Variants in NXPE2 observed in about 807,000 individuals in gnomAD.
NXPE2 encodes the protein NXPE family member 2.
Under a neutral mutation model 34.4 loss-of-function variants are expected in NXPE2, and 34 were observed. The ratio of observed to expected loss-of-function variants is 0.99; its 90% CI spans 0.75 to 1.31. The LOEUF is 1.31. NXPE2 is among the 40% of genes most tolerant of loss of function. NXPE2 has a pLI of 0.00. For synonymous variants in NXPE2, 235 were observed against 231.3 expected, an observed-to-expected ratio of 1.02 and a Z score of -0.15; for missense variants, 649 against 672.5, an observed-to-expected ratio of 0.97 and a Z score of 0.39.
At chr11:114,510,124 T>G in the NXPE2 span, among the ~76,000 whole-genome samples, 2 of 152,228 alleles carry the variant, frequency 1.3e-5, no homozygotes, top group South Asian at 4.1e-4. Flanking sequence ...TGGAAAATTA[T>G]TATAAATCTA....
At chr11:114,513,668 G>C in the NXPE2 span, among the ~76,000 whole-genome samples, 1 of 152,094 alleles carries the variant, frequency 6.6e-6, no homozygotes, top group Admixed American at 6.6e-5. Context: ...TTATTCCATA[G>C]GATGTTAAAA....
chr11:114,674,630 A>T (rs1273425336), upstream of NXPE2, among the ~76,000 whole-genome samples: 1 of 151,842 alleles, frequency 6.6e-6, no homozygotes. Context: ...AACGACACAA[A>T]GTAACTACAA....
the NXPE2 span, among the ~76,000 whole-genome samples, chr11:114,802,429 C>A: frequency 1.3e-5 from 2 of 152,320 alleles, no homozygotes; most frequent in South Asian, 4.1e-4. Flanking sequence ...TACAGAAGAT[C>A]ACTGATTTGT....
At chr11:114,555,316 C>T in the NXPE2 span, among the ~76,000 whole-genome samples, 2,099 of 152,132 alleles carry the variant, frequency 0.014, 51 homozygotes, top group African/African-American at 0.048. Flanking sequence ...CTCCACCTCC[C>T]GGGTTCAAGT....
chr11:114,802,630 AT>A, the NXPE2 span, among the ~76,000 whole-genome samples: 32 of 152,200 alleles, frequency 2.1e-4, 1 homozygote, highest in African/African-American at 7.7e-4. Context: ...TTTTTTAATA[AT>A]TATTTTTTTC....
At chr11:114,735,395 C>T in the NXPE2 span, among the ~76,000 whole-genome samples, 1 of 152,012 alleles carries the variant, frequency 6.6e-6, no homozygotes, top group African/African-American at 2.4e-5. Context: ...TTTTCTCCCT[C>T]TCAAATAAAC....
chr11:114,737,922 A>G, the NXPE2 span, among the ~76,000 whole-genome samples: 4 of 150,900 alleles, frequency 2.7e-5, no homozygotes, highest in African/African-American at 9.9e-5. Flanking sequence ...GTCTCTACTA[A>G]AAAATAAAAA....
chr11:114,809,283 C>G, the NXPE2 span, among the ~76,000 whole-genome samples: 23 of 151,892 alleles, frequency 1.5e-4, no homozygotes, highest in Non-Finnish European at 2.2e-4. Flanking sequence ...AAAACTGGCA[C>G]AAGACAGGGA....
At chr11:114,675,798 C>T (rs965800159), upstream of NXPE2, among the ~76,000 whole-genome samples, 1 of 151,896 alleles carries the variant, frequency 6.6e-6, no homozygotes, top group African/African-American at 2.4e-5. Flanking sequence ...CCAAACCAAT[C>T]TTGACCAATA....
At chr11:114,750,923 G>A in the NXPE2 span, among the ~76,000 whole-genome samples, 2 of 151,960 alleles carry the variant, frequency 1.3e-5, no homozygotes, top group East Asian at 3.9e-4. Flanking sequence ...CAACGTTTCA[G>A]TGCCTTAATA....
chr11:114,516,024 C>T, the NXPE2 span, among the ~76,000 whole-genome samples: 9 of 152,218 alleles, frequency 5.9e-5, no homozygotes, highest in African/African-American at 2.2e-4. Flanking sequence ...GTTCCTTTTA[C>T]AGATTAGGCA....
the NXPE2 span, chr11:114,530,909 C>G: frequency 5.6e-6 from 9 of 1,600,952 alleles, no homozygotes; most frequent in Non-Finnish European, 7.7e-6. Context: ...CAGACCAAAG[C>G]TGAAATGACA....
the NXPE2 span, among the ~76,000 whole-genome samples, chr11:114,776,991 TTTTA>T: frequency 2.0e-5 from 3 of 152,222 alleles, no homozygotes; most frequent in African/African-American, 7.2e-5. Context: ...GAAAAAACAT[TTTTA>T]TTTTATTCCT....
At chr11:114,746,471 GA>G in the NXPE2 span, among the ~76,000 whole-genome samples, 3 of 152,182 alleles carry the variant, frequency 2.0e-5, no homozygotes. Flanking sequence ...AGGTGCGTGA[GA>G]AAACATAAAT....
At chr11:114,602,322 T>C in the NXPE2 span, among the ~76,000 whole-genome samples, 1 of 113,822 alleles carries the variant, frequency 8.8e-6, no homozygotes, top group Non-Finnish European at 1.7e-5. Flanking sequence ...ATATATATTA[T>C]ACTATATATA....
the NXPE2 span, among the ~76,000 whole-genome samples, chr11:114,739,348 CT>C: frequency 1.3e-5 from 1 of 79,446 alleles, no homozygotes; most frequent in African/African-American, 4.8e-5. Flanking sequence ...TCCCCCCTTC[CT>C]CTCTCCCTCC....
chr11:114,679,598 C>T (rs17550338), intron 1 of NXPE2, 59 bp from the exon 2 acceptor site: 186,560 of 1,066,968 alleles, frequency 0.17, 18,253 homozygotes, highest in South Asian at 0.21. Flanking sequence ...CCAAAGTGTA[C>T]GGAGCCATGT....
At chr11:114,575,827 C>T in the NXPE2 span, among the ~76,000 whole-genome samples, 1 of 152,124 alleles carries the variant, frequency 6.6e-6, no homozygotes, top group Non-Finnish European at 1.5e-5. Flanking sequence ...CACCATCATT[C>T]TTCACAGAAC....
chr11:114,588,274 C>G, the NXPE2 span, among the ~76,000 whole-genome samples: 3 of 152,168 alleles, frequency 2.0e-5, no homozygotes, highest in Admixed American at 1.3e-4. Context: ...CTTATCCTTA[C>G]AGGAAATGCT....
Sources: gnomAD v4.1 joint callset for allele counts (sites outside exome capture counted in the v4.1 genomes callset) on GRCh38, gnomAD v4.1.1 for gene constraint, MANE v1.5 for transcripts, NCBI Gene and HGNC (gene_info 2026-07-23, HGNC 2026-07-21) for gene names.